Variants in DENND3 observed in about 807,000 individuals in gnomAD.
The protein encoded by DENND3 is DENN domain-containing protein 3.
In DENND3, 88 loss-of-function variants were observed where a neutral mutation model predicts 135.1. The ratio of observed to expected loss-of-function variants is 0.65; its 90% confidence interval spans 0.55 to 0.78. DENND3 has a LOEUF of 0.78. DENND3 is among the 30% of genes least tolerant of loss of function. DENND3 has a pLI of 0.00. For synonymous variants in DENND3, 693 were observed against 712.3 expected, an observed-to-expected ratio of 0.97 and a Z score of 0.43; for missense variants, 1,392 against 1,688.4, an observed-to-expected ratio of 0.82 and a Z score of 3.08.
At chr8:141,190,252 TA>T in intron 19 of DENND3, 31 bp from the exon 20 acceptor site, 1 of 1,541,296 alleles carries the variant, frequency 6.5e-7, no homozygotes. Flanking sequence ...GGGCCCAAGT[TA>T]AAGGTGTGTG....
At chr8:141,190,508 GC>G in intron 20 of DENND3, 91 bp downstream of exon 20, 2 of 1,437,222 alleles carry the variant, frequency 1.4e-6, no homozygotes, top group Non-Finnish European at 1.8e-6. Flanking sequence ...TCTTTCCTTT[GC>G]TTCACGCCTT....
At chr8:141,163,186 A>C in intron 9 of DENND3, 147 bp from the exon 10 acceptor site, 1 of 529,814 alleles carries the variant, frequency 1.9e-6, no homozygotes, top group South Asian at 2.8e-5. Context: ...TCCACATCGT[A>C]TCATTTTGGT....
rs1816933814 is a variant in DENND3 at position 141,137,667 on chromosome 8, T to C, written c.386-355T>C. Among the ~76,000 whole-genome samples the C allele has an allele frequency of 6.6e-6, 1 of 152,138 alleles. No homozygotes were observed. Among genetic ancestry groups the C allele is most frequent in the South Asian group, 2.1e-4 (1 of 4,830 alleles). The stretch of plus-strand genomic sequence containing the variant: ...TTCAGGAATGTTAAAATGGCCGAGG[T>C]AGGAAACTCAGACGAAGCACCTAGC... On this transcript the variant is annotated intron_variant, in intron 2 of 22. Transcript: ENST00000519811. The surrounding 1 kb of genome is among the most constrained non-coding windows in gnomAD (Gnocchi z 4.1).
In DENND3 at chr8:141,174,008, T is replaced by A. The variant is rs1425340688; in HGVS notation, c.2276-1192T>A. On this transcript the variant is annotated intron_variant, in intron 13 of 22. Coordinates refer to ENST00000519811, the MANE Select transcript of DENND3 (RefSeq NM_001352890.3). The surrounding 1 kb of genome is among the most constrained non-coding windows in gnomAD (Gnocchi z 4.6). ...GCAGGTGTGCAGCTCAGCAGTGGCC[T>A]GGCCAGGATGTCTCTGCCTTATCGG... Among the ~76,000 whole-genome samples, 1 of 152,212 alleles carries A rather than the reference T, an allele frequency of 6.6e-6. No individual in the cohort carries two copies. The highest frequency in any genetic ancestry group is 1.5e-5 in the Non-Finnish European group (1 of 68,044).
intron 17 of DENND3, among the ~76,000 whole-genome samples, 176 bp downstream of exon 17, chr8:141,181,030 G>A (rs762582699): frequency 1.3e-5 from 2 of 152,192 alleles, no homozygotes; most frequent in East Asian, 1.9e-4. Flanking sequence ...CAGCTGGCAC[G>A]ACCGCTCCAC....
At chr8:141,161,325 G>A (rs1820105702) in intron 9 of DENND3, among the ~76,000 whole-genome samples, 1 of 152,198 alleles carries the variant, frequency 6.6e-6, no homozygotes. Flanking sequence ...GCCACAGGAC[G>A]GGTGGGGCAC....
At chr8:141,149,930 T>C (rs901357238) in intron 5 of DENND3, among the ~76,000 whole-genome samples, 50 of 152,214 alleles carry the variant, frequency 3.3e-4, no homozygotes, top group Non-Finnish European at 5.6e-4. Context: ...CTTGGGAGAC[T>C]GGGAGAAAGC....
chr8:141,171,864 C>T lies in DENND3; in HGVS notation c.2276-3336C>T, dbSNP rs534529757. On this transcript the variant is annotated intron_variant, in intron 13 of 22. Coordinates refer to ENST00000519811, the MANE Select transcript of DENND3 (RefSeq NM_001352890.3). The stretch of plus-strand genomic sequence containing the variant: ...GGCGTGCACAGTGCCTAGATGTGCA[C>T]GCTGTTGGTGTGCATGGTGATGGGC... Among the ~76,000 whole-genome samples, 307 of 143,248 alleles carry T rather than the reference C, an allele frequency of 2.1e-3. 2 individuals carry two copies. Among genetic ancestry groups the T allele is most frequent in the Middle Eastern group, 9.4e-3 (2 of 212 alleles). The allele number at this position is 143,248 out of a possible 152,430, so 94.0% of individuals were successfully genotyped here.
intron 13 of DENND3, among the ~76,000 whole-genome samples, chr8:141,170,895 G>A (rs778318262): frequency 2.0e-5 from 3 of 152,202 alleles, no homozygotes; most frequent in Non-Finnish European, 2.9e-5. Context: ...CATCAGCACC[G>A]CAAGAGCAGG....
In DENND3 at chr8:141,160,662, G is replaced by T. The variant is rs771490304; in HGVS notation, c.1227G>T (p.Leu409=). The T allele has an allele frequency of 1.7e-5, 28 of 1,610,056 alleles. No homozygotes were observed. Among genetic ancestry groups the T allele is most frequent in the Non-Finnish European group, 2.1e-5 (25 of 1,177,522 alleles). Reference sequence around the variant, plus strand: ...AGAGCCTCCAGCTCCACCATGAGCTGCACGCCGCCCACCTCCTCTCCAGCA... The same window carrying T: ...AGAGCCTCCAGCTCCACCATGAGCTTCACGCCGCCCACCTCCTCTCCAGCA... ...RVQSLQLHHE[L]HAAHLLSSTD... The change falls in exon 9 of 23, where the codon CTG becomes CTT. Residue 409 remains leucine (L), a synonymous_variant. Coordinates refer to ENST00000519811, the MANE Select transcript of DENND3 (RefSeq NM_001352890.3).
chr8:141,186,815 C>A (rs1009135007), intron 18 of DENND3, among the ~76,000 whole-genome samples: 2 of 152,176 alleles, frequency 1.3e-5, no homozygotes, highest in Admixed American at 6.5e-5. Flanking sequence ...CCCCCAGCGG[C>A]CCCTCCTGCC....
intron 4 of DENND3, 177 bp from the exon 5 acceptor site, chr8:141,143,971 G>T (rs970191849): frequency 1.8e-5 from 10 of 545,206 alleles, no homozygotes; most frequent in Non-Finnish European, 6.5e-6. Context: ...AGGCACTACC[G>T]CAGACCTGGG....
rs1478791635 is a variant in DENND3 at position 141,194,051 on chromosome 8, G to C, written c.3655G>C (p.Gly1219Arg). Reference sequence around the variant, plus strand: ...CTGGCAGGTCTGGGTGGGCAGCCGAGGGCTGGGGCAGGGAACACCCAAGGG... The same window carrying C: ...CTGGCAGGTCTGGGTGGGCAGCCGACGGCTGGGGCAGGGAACACCCAAGGG... ...VKKQVWVGSR[G>R]LGQGTPKGKI... is the part of the protein sequence containing the mutation. The change falls in exon 23 of 23, where the codon GGG becomes CGG. Residue 1219 changes from glycine (G) to arginine (R), a missense_variant. Coordinates refer to ENST00000519811, the MANE Select transcript of DENND3 (RefSeq NM_001352890.3). The C allele has an allele frequency of 3.1e-6, 5 of 1,613,562 alleles. No homozygotes were observed. The highest frequency in any genetic ancestry group is 4.2e-6 in the Non-Finnish European group (5 of 1,179,996).
At chr8:141,140,674 T>C (rs1022155795) in intron 3 of DENND3, among the ~76,000 whole-genome samples, 6 of 152,246 alleles carry the variant, frequency 3.9e-5, no homozygotes, top group Admixed American at 6.5e-5. Flanking sequence ...GCTATCATCA[T>C]GCCCTTCCAT....
intron 17 of DENND3, among the ~76,000 whole-genome samples, chr8:141,183,446 G>A (rs1823445905): frequency 1.4e-5 from 2 of 145,750 alleles, no homozygotes; most frequent in Admixed American, 1.4e-4. Flanking sequence ...TTGTAGAGAT[G>A]GAGTTTTGCC....
chr8:141,192,231 C>T, intron 20 of DENND3, 100 bp from the exon 21 acceptor site: 4 of 1,493,598 alleles, frequency 2.7e-6, no homozygotes, highest in Non-Finnish European at 9.0e-7. Flanking sequence ...TGATCCCCCC[C>T]ATCACCACGC....
intron 1 of DENND3, among the ~76,000 whole-genome samples, chr8:141,136,092 G>C (rs147885414): frequency 6.8e-6 from 1 of 147,598 alleles, no homozygotes. Flanking sequence ...GCTGGGCTGA[G>C]TACCGGACCC....
rs1021719377 is a variant in DENND3, at chr8:141,146,547, A to C, written c.735+2288A>C. On this transcript the variant is annotated intron_variant, in intron 5 of 22. Coordinates refer to ENST00000519811, the MANE Select transcript of DENND3 (RefSeq NM_001352890.3). The surrounding 1 kb of genome is among the most constrained non-coding windows in gnomAD (Gnocchi z 4.3). ...AATGTCGATTCAGTTTCATTGTGCT[A>C]GTCCTCTGAAAGATTATACGTATTA... Among the ~76,000 whole-genome samples the C allele has an allele frequency of 6.6e-5, 10 of 152,222 alleles. No individual in the cohort carries two copies. Among genetic ancestry groups the C allele is most frequent in the African/African-American group, 2.4e-4 (10 of 41,444 alleles).
chr8:141,190,375 G>A lies in DENND3; in HGVS notation c.3337G>A (p.Gly1113Ser), dbSNP rs1235739254. 3.1e-6 allele frequency: 5 copies of A among 1,612,734 alleles called. No homozygotes were observed. The African/African-American group carries it at 4.0e-5, about 13-fold the overall frequency. ...CAGCCGCTTCCAGCTGCCGCGAGGT[G>A]GCCTGACGTCCATCAGACTGCACGG... ...VTSRFQLPRGGLTSIRLHGGR... is the reference protein window; with the variant it reads ...VTSRFQLPRGSLTSIRLHGGR... The change falls in exon 20 of 23, where the codon GGC (glycine) becomes AGC (serine). Residue 1113 changes from glycine (G) to serine (S), a missense_variant. By Grantham distance (56) the Gly-to-Ser change is moderately conservative. Transcript: ENST00000519811.
Sources: allele counts gnomAD v4.1 joint callset (sites outside exome capture counted in the v4.1 genomes callset), GRCh38; gene constraint gnomAD v4.1.1; non-coding constraint Gnocchi (gnomAD v3.1); transcripts MANE v1.5; gene names NCBI Gene and HGNC (gene_info 2026-07-23, HGNC 2026-07-21).